RAB38: variants seen among roughly 807,000 people sequenced by gnomAD.
RAB38 encodes the protein ras-related protein Rab-38.
RAB38 carries 15 observed loss-of-function variants against 18.4 expected under a neutral mutation model. The observed-to-expected ratio is 0.82, with a 90% CI of 0.55 to 1.26. RAB38 has a LOEUF of 1.26. RAB38 is among the 50% of genes most tolerant of loss of function. RAB38 has a pLI of 0.00. For missense variants in RAB38, 294 were observed against 267.4 expected (o/e 1.10, Z -0.69); for synonymous variants, 101 against 104.4 (o/e 0.97, Z 0.20).
downstream of RAB38, among the ~76,000 whole-genome samples, chr11:88,112,444 A>T (rs1017187825): frequency 5.3e-5 from 8 of 152,100 alleles, no homozygotes; most frequent in Non-Finnish European, 1.2e-4. Context: ...TTTCCAAAGA[A>T]TTTGGGGATT....
the RAB38 span, among the ~76,000 whole-genome samples, chr11:88,025,081 T>C: frequency 7.8e-4 from 119 of 152,160 alleles, 1 homozygote; most frequent in Non-Finnish European, 1.4e-3. Flanking sequence ...TTTTCCATGA[T>C]GCGATTATTA....
At chr11:88,016,659 C>T in the RAB38 span, among the ~76,000 whole-genome samples, 660 of 152,074 alleles carry the variant, frequency 4.3e-3, 5 homozygotes, top group African/African-American at 0.015. Flanking sequence ...CACTTTAGTC[C>T]ATTTTTGCCC....
chr11:87,931,123 G>C, the RAB38 span, among the ~76,000 whole-genome samples: 7 of 152,052 alleles, frequency 4.6e-5, no homozygotes, highest in Non-Finnish European at 7.3e-5. Flanking sequence ...AGCTTGATGG[G>C]GATGGCATTG....
chr11:88,015,189 C>T, the RAB38 span, among the ~76,000 whole-genome samples: 4 of 152,206 alleles, frequency 2.6e-5, no homozygotes, highest in East Asian at 3.9e-4. Context: ...TCTATCTACT[C>T]ATCTATCTAA....
chr11:87,822,240 T>C, the RAB38 span, among the ~76,000 whole-genome samples: 1 of 152,204 alleles, frequency 6.6e-6, no homozygotes, highest in Non-Finnish European at 1.5e-5. Context: ...AAAATTGTTA[T>C]TCTCTATAAT....
chr11:87,863,330 A>T, the RAB38 span, among the ~76,000 whole-genome samples: 2 of 151,856 alleles, frequency 1.3e-5, no homozygotes, highest in African/African-American at 4.8e-5. Context: ...TGAAAGTGTC[A>T]AGTACCCCAA....
the RAB38 span, among the ~76,000 whole-genome samples, chr11:87,920,650 C>T: frequency 5.3e-5 from 8 of 151,860 alleles, no homozygotes; most frequent in Non-Finnish European, 8.8e-5. Context: ...TCTATTAGGT[C>T]CATTTGGTCT....
chr11:87,931,553 A>T, the RAB38 span, among the ~76,000 whole-genome samples: 1 of 152,070 alleles, frequency 6.6e-6, no homozygotes, highest in Admixed American at 6.6e-5. Flanking sequence ...ACCAGGTACC[A>T]TATGGCTGCT....
chr11:88,153,932 G>A (rs1021269139), intron 1 of RAB38, among the ~76,000 whole-genome samples: 5 of 152,136 alleles, frequency 3.3e-5, no homozygotes, highest in African/African-American at 1.2e-4. Context: ...AGGAAAATGG[G>A]AATCCACCAG....
At chr11:88,159,234 TAA>T (rs1555012344) in intron 1 of RAB38, among the ~76,000 whole-genome samples, 2 of 139,002 alleles carry the variant, frequency 1.4e-5, no homozygotes, top group African/African-American at 2.6e-5. Context: ...AATAAATAAA[TAA>T]AAATAAAATA....
At chr11:88,093,750 A>C in the RAB38 span, among the ~76,000 whole-genome samples, 1 of 151,910 alleles carries the variant, frequency 6.6e-6, no homozygotes, top group Non-Finnish European at 1.5e-5. Context: ...TGATGGCTTC[A>C]ATCCATCTTT....
the RAB38 span, among the ~76,000 whole-genome samples, chr11:87,953,695 G>A: frequency 2.1e-4 from 32 of 152,126 alleles, no homozygotes; most frequent in Admixed American, 1.2e-3. Flanking sequence ...TACTATCTGC[G>A]GTTTCAGGCA....
chr11:87,888,262 G>T, the RAB38 span, among the ~76,000 whole-genome samples: 4 of 151,894 alleles, frequency 2.6e-5, no homozygotes, highest in Non-Finnish European at 4.4e-5. Context: ...TTCTGTCTTG[G>T]CTAATAGCAG....
At chr11:88,119,977 T>C (rs34558044) in intron 2 of RAB38, among the ~76,000 whole-genome samples, 25,035 of 152,234 alleles carry the variant, frequency 0.16, 2,202 homozygotes, top group Admixed American at 0.25. Flanking sequence ...TTTTGCTAGC[T>C]TTCTATTAAT....
chr11:88,160,585 G>A (rs993369598), intron 1 of RAB38, among the ~76,000 whole-genome samples: 3 of 152,028 alleles, frequency 2.0e-5, no homozygotes, highest in Admixed American at 2.0e-4. Context: ...CAACCTAGGT[G>A]CCCATCAATG....
the RAB38 span, among the ~76,000 whole-genome samples, chr11:87,926,988 A>T: frequency 6.6e-6 from 1 of 152,092 alleles, no homozygotes; most frequent in African/African-American, 2.4e-5. Context: ...GACAAGGAAC[A>T]TGATGACATG....
the RAB38 span, among the ~76,000 whole-genome samples, chr11:87,961,943 G>A: frequency 6.6e-6 from 1 of 152,166 alleles, no homozygotes; most frequent in Non-Finnish European, 1.5e-5. Context: ...CAAGACTTTA[G>A]TGAGAAAGAA....
At chr11:88,108,629 G>T (rs7107142), downstream of RAB38, among the ~76,000 whole-genome samples, 13,777 of 152,146 alleles carry the variant, frequency 0.091, 1,188 homozygotes, top group African/African-American at 0.23. Context: ...ATTGGGGCAT[G>T]TAGCCCATTT....
chr11:87,861,008 G>T, the RAB38 span, among the ~76,000 whole-genome samples: 2 of 151,924 alleles, frequency 1.3e-5, no homozygotes, highest in East Asian at 3.9e-4. Context: ...GTGAAACTTT[G>T]CTGGAAGAAA....
Sources: gnomAD v4.1 joint callset for allele counts (sites outside exome capture counted in the v4.1 genomes callset) on GRCh38, gnomAD v4.1.1 for gene constraint, MANE v1.5 for transcripts, NCBI Gene and HGNC (gene_info 2026-07-23, HGNC 2026-07-21) for gene names.